ACTN4: variants seen among roughly 807,000 people sequenced by gnomAD.
The protein encoded by ACTN4 is actinin alpha 4, also known as alpha-actinin-4.
A neutral mutation model predicts 114.2 loss-of-function variants in ACTN4; 18 were observed. The ratio of observed to expected loss-of-function variants is 0.16; its 90% CI spans 0.11 to 0.23. The LOEUF (loss-of-function observed/expected upper bound fraction) is 0.23. Ranked by LOEUF, ACTN4 falls within the 10% of genes least tolerant of loss-of-function variation. The pLI is 1.00. For synonymous variants in ACTN4, 515 were observed against 506.3 expected (o/e 1.02, Z -0.23); for missense variants, 722 against 1,262.9 (o/e 0.57, Z 6.49).
intron 1 of ACTN4, among the ~76,000 whole-genome samples, chr19:38,667,720 A>AC (rs1967007069): frequency 6.6e-6 from 1 of 151,672 alleles, no homozygotes; most frequent in Admixed American, 6.6e-5. Flanking sequence ...AAAAAAAAAA[A>AC]ACCATTTTGG....
chr19:38,724,089 C>G lies in ACTN4; in HGVS notation c.1692+12C>G, dbSNP rs1443771856. The G allele has an allele frequency of 1.9e-6, 3 of 1,613,666 alleles. No homozygotes were observed. Among genetic ancestry groups the G allele is most frequent in the Non-Finnish European group, 2.5e-6 (3 of 1,179,992 alleles). Reference sequence around the variant, plus strand: ...TCGAGGAGATTGAGGTTCGCACCCCCCGGCCCCCCATCTTCCCAAGAGCCT... The same window carrying G: ...TCGAGGAGATTGAGGTTCGCACCCCGCGGCCCCCCATCTTCCCAAGAGCCT... On this transcript the variant is annotated intron_variant, in intron 14 of 20. Transcript: ENST00000252699. This position sits in a 1 kb window ranked among gnomAD's most constrained non-coding sequence, Gnocchi z 7.0.
intron 2 of ACTN4, 102 bp downstream of exon 2, chr19:38,700,816 G>A (rs950183974): frequency 2.2e-6 from 3 of 1,382,176 alleles, no homozygotes; most frequent in Non-Finnish European, 3.0e-6. Context: ...TTGCTCCTGG[G>A]GAGGAGAGGG....
intron 1 of ACTN4, among the ~76,000 whole-genome samples, chr19:38,660,529 G>C (rs1373317196): frequency 2.6e-5 from 4 of 152,100 alleles, no homozygotes; most frequent in Non-Finnish European, 5.9e-5. Context: ...CCGAGTAGCT[G>C]GGATTACAGG....
chr19:38,716,866 C>CA (rs1968858782), intron 9 of ACTN4, among the ~76,000 whole-genome samples: 1 of 152,222 alleles, frequency 6.6e-6, no homozygotes, highest in African/African-American at 2.4e-5. Flanking sequence ...AACAAGAGAA[C>CA]AGTACAGTGA....
Position 38,684,751 on chromosome 19 carries a change from CTTCTT to C in ACTN4, c.163-15839_163-15835del, listed in dbSNP as rs1182998483. ...TGGCTATAGAATCCTATTTTGATCT[CTTCTT>C]TTCTTTTCTCTTCTTTCTCTCTCTG... On this transcript the variant is annotated intron_variant, in intron 1 of 20. Transcript: ENST00000252699. 2.6e-5 allele frequency among the ~76,000 whole-genome samples: 4 copies of C among 152,198 alleles called. No homozygotes were observed. The East Asian group carries it at 7.7e-4, about 29-fold the overall frequency.
intron 11 of ACTN4, among the ~76,000 whole-genome samples, chr19:38,719,392 G>A (rs1477135378): frequency 6.6e-6 from 1 of 152,222 alleles, no homozygotes; most frequent in African/African-American, 2.4e-5. Flanking sequence ...CACACGGCCT[G>A]CAGCCCTGGC....
rs74176459 is a variant in ACTN4 at position 38,730,130 on chromosome 19, C to CAAAA, written c.*709_*712dup. 4 of 121,546 alleles carry CAAAA rather than the reference C, an allele frequency of 3.3e-5. No individual in the cohort carries two copies. Among genetic ancestry groups the CAAAA allele is most frequent in the African/African-American group, 9.1e-5 (3 of 33,056 alleles). The allele number at this position is 121,546 out of a possible 1,614,324, so 7.5% of individuals were successfully genotyped here. ...AAAAAAAACACAAAACAACAAAAAC[C>CAAAA]AAAAAAAAAAAAAATCACAAAAACA... On this transcript the variant is annotated 3_prime_UTR_variant, in exon 21 of 21. Transcript: ENST00000252699.
Position 38,729,165 on chromosome 19 carries a change from C to A in ACTN4, c.2577+11C>A, listed in dbSNP as rs753271069. 6.2e-7 allele frequency: 1 copy of A among 1,612,876 alleles called. No individual in the cohort carries two copies. On this transcript the variant is annotated intron_variant, in intron 20 of 20. Transcript: ENST00000252699. The stretch of plus-strand genomic sequence containing the variant: ...TTAGCAGGGGACAAGGTGAGCGAGA[C>A]CCCTACGAGGTGCATGGGGGCTGGC...
At chr19:38,682,784 C>T (rs540947908) in intron 1 of ACTN4, among the ~76,000 whole-genome samples, 1 of 152,212 alleles carries the variant, frequency 6.6e-6, no homozygotes, top group Non-Finnish European at 1.5e-5. Context: ...CCACACTCAC[C>T]AGGCCCGAGT....
intron 3 of ACTN4, among the ~76,000 whole-genome samples, chr19:38,702,709 A>C (rs1224654279): frequency 6.6e-6 from 1 of 152,136 alleles, no homozygotes; most frequent in African/African-American, 2.4e-5. Flanking sequence ...CAGGGTGGAC[A>C]CTGGGTCCCT....
In ACTN4 at chr19:38,730,919, T is replaced by G; in HGVS notation, c.*1487T>G. 1 of 1,550,466 alleles carries G rather than the reference T, an allele frequency of 6.4e-7. No individual in the cohort carries two copies. The highest frequency in any genetic ancestry group is 8.7e-7 in the Non-Finnish European group (1 of 1,147,056). ...AAGACAGTGGCTTGAGGCAGGGAGC[T>G]CGCAGGACAGAGCCTGAGCCACCCT... On this transcript the variant is annotated 3_prime_UTR_variant, in exon 21 of 21. Coordinates refer to ENST00000252699, the MANE Select transcript of ACTN4 (RefSeq NM_004924.6).
In ACTN4 at chr19:38,729,507, C is replaced by T. The variant is rs1025617690; in HGVS notation, c.*75C>T. On this transcript the variant is annotated 3_prime_UTR_variant, in exon 21 of 21. Coordinates refer to ENST00000252699, the MANE Select transcript of ACTN4 (RefSeq NM_004924.6). ...GGGCAGCCCCACAGTCCCATTCCTCCACTCTGTATCTATGCAAAGCACTCT... is the reference window on the plus strand; with the variant it reads ...GGGCAGCCCCACAGTCCCATTCCTCTACTCTGTATCTATGCAAAGCACTCT... 19 of 1,417,964 alleles carry T rather than the reference C, an allele frequency of 1.3e-5. 1 individual carries two copies. In the Admixed American group the frequency reaches 2.2e-4, roughly 17 times the overall value. The allele number at this position is 1,417,964 out of a possible 1,614,324, so 87.8% of individuals were successfully genotyped here.
At chr19:38,725,497 A>G (rs554606789) in intron 16 of ACTN4, among the ~76,000 whole-genome samples, 1 of 152,340 alleles carries the variant, frequency 6.6e-6, no homozygotes, top group South Asian at 2.1e-4. Context: ...AGCGCTTGGC[A>G]GAGAAAACCT....
chr19:38,725,710 A>G lies in ACTN4; in HGVS notation c.2011-14A>G. On this transcript the variant is annotated splice_polypyrimidine_tract_variant and intron_variant, in intron 16 of 20. Transcript: ENST00000252699. ...CCACCAGCCTCACCCCACCGCCTGCACCCACCCCCGTAGGAGATCGGGCGC... is the reference window on the plus strand; with the variant it reads ...CCACCAGCCTCACCCCACCGCCTGCGCCCACCCCCGTAGGAGATCGGGCGC... 1 of 1,612,818 alleles carries G rather than the reference A, an allele frequency of 6.2e-7. No individual in the cohort carries two copies. Among genetic ancestry groups the G allele is most frequent in the Non-Finnish European group, 8.5e-7 (1 of 1,179,766 alleles).
At chr19:38,710,404 C>G (rs1261378886) in intron 8 of ACTN4, 62 bp downstream of exon 8, 3 of 1,538,038 alleles carry the variant, frequency 2.0e-6, no homozygotes, top group Non-Finnish European at 2.7e-6. Context: ...CGCTGCCTCT[C>G]GCCTCCCGTG....
At chr19:38,704,521 G>A (rs1170649851) in intron 3 of ACTN4, among the ~76,000 whole-genome samples, 1 of 152,264 alleles carries the variant, frequency 6.6e-6, no homozygotes, top group East Asian at 1.9e-4. Context: ...CTGAGAGTGG[G>A]GGCCCGGGGT....
rs1203244176 is a variant in ACTN4, at chr19:38,723,576, C to A, written c.1443-38C>A. 4.0e-6 allele frequency: 6 copies of A among 1,499,214 alleles called. No homozygotes were observed. In the South Asian group the frequency reaches 7.0e-5, roughly 18 times the overall value. The allele number at this position is 1,499,214 out of a possible 1,614,324, so 92.9% of individuals were successfully genotyped here. The stretch of plus-strand genomic sequence containing the variant: ...TGGGTCCAATCCATCTAGCCACTTG[C>A]CCTTGCCGAGTCTCATTGCTCTCTG... On this transcript the variant is annotated intron_variant, in intron 12 of 20. Coordinates refer to ENST00000252699, the MANE Select transcript of ACTN4 (RefSeq NM_004924.6).
intron 1 of ACTN4, among the ~76,000 whole-genome samples, chr19:38,688,885 AAC>A (rs2144949249): frequency 6.6e-6 from 1 of 152,296 alleles, no homozygotes; most frequent in African/African-American, 2.4e-5. Context: ...TTCTTGGGAA[AAC>A]AGTCTGGCAG....
chr19:38,672,482 C>T (rs557543687), intron 1 of ACTN4, among the ~76,000 whole-genome samples: 1 of 151,892 alleles, frequency 6.6e-6, no homozygotes, highest in South Asian at 2.1e-4. Flanking sequence ...CTCAAGTGAC[C>T]CACTCGCCTT....
Sources: gnomAD v4.1 joint callset for allele counts (sites outside exome capture counted in the v4.1 genomes callset) on GRCh38, gnomAD v4.1.1 for gene constraint, Gnocchi (gnomAD v3.1) non-coding constraint, MANE v1.5 for transcripts, NCBI Gene and HGNC (gene_info 2026-07-23, HGNC 2026-07-21) for gene names.